Variants in ANAPC11 observed in about 807,000 individuals in gnomAD.
ANAPC11 encodes anaphase-promoting complex subunit 11.
ANAPC11 carries 5 observed loss-of-function variants against 11.8 expected under a neutral mutation model. The observed-to-expected ratio is 0.42, with a 90% confidence interval of 0.22 to 0.89. The LOEUF is 0.89. ANAPC11 is among the 40% of genes least tolerant of loss of function. ANAPC11 has a pLI of 0.28. For synonymous variants in ANAPC11, 45 were observed against 41.0 expected (o/e 1.10, Z -0.38); for missense variants, 68 against 112.9 (o/e 0.60, Z 1.80).
intron 3 of ANAPC11, chr17:81,894,821 GGTTCTCCT>G (rs2039681258): frequency 7.4e-6 from 3 of 407,906 alleles, no homozygotes; most frequent in Non-Finnish European, 1.3e-5. Flanking sequence ...GGGTTCAAAC[GGTTCTCCT>G]GCCTCAGCCT....
At chr17:81,894,660 G>T in intron 3 of ANAPC11, 74 bp downstream of exon 3, 1 of 925,160 alleles carries the variant, frequency 1.1e-6, no homozygotes. Context: ...CTGCCTGCTG[G>T]ACTAGCCTCA....
At chr17:81,890,894 C>T (rs1436457248), upstream of ANAPC11, 4 of 1,595,018 alleles carry the variant, frequency 2.5e-6, no homozygotes, top group African/African-American at 1.3e-5. Flanking sequence ...ACGGCTACTC[C>T]GGACCCTTCC....
At chr17:81,900,484 C>T, downstream of ANAPC11, 1 of 248,170 alleles carries the variant, frequency 4.0e-6, no homozygotes, top group Middle Eastern at 1.4e-3. Context: ...GACCCTCCCT[C>T]AGGCTGGCTC....
At chr17:81,893,901 TG>T (rs1290663274) in intron 2 of ANAPC11, among the ~76,000 whole-genome samples, 1 of 151,898 alleles carries the variant, frequency 6.6e-6, no homozygotes, top group African/African-American at 2.4e-5. Flanking sequence ...GGATTGCTGC[TG>T]GGGCTTGCTG....
intron 2 of ANAPC11, chr17:81,894,240 C>A: frequency 3.3e-6 from 1 of 305,418 alleles, no homozygotes; most frequent in Non-Finnish European, 5.9e-6. Flanking sequence ...GAGTGAGACT[C>A]TGTCTCAAAA....
Position 81,894,587 on chromosome 17 carries a change from G to A in ANAPC11, c.109+1G>A, listed in dbSNP as rs2039668377. ...GCATTTAACGGATGCTGCCCTGACT[G>A]TGAGTGTCCCCTCCATGCTGTCTGA... is the stretch of plus-strand genomic sequence containing the variant. On this transcript the variant is annotated splice_donor_variant, in intron 3 of 3. Transcript: ENST00000344877. LOFTEE classifies it high-confidence loss of function. 2 of 1,599,300 alleles carry A rather than the reference G, an allele frequency of 1.3e-6. No individual in the cohort carries two copies. The highest frequency in any genetic ancestry group is 1.7e-5 in the Admixed American group (1 of 59,318).
chr17:81,900,273 C>T, downstream of ANAPC11: 1 of 706,234 alleles, frequency 1.4e-6, no homozygotes, highest in Non-Finnish European at 2.3e-6. Context: ...CCTCTGGGTG[C>T]CTGTGTTCTC....
chr17:81,899,050 C>T lies in ANAPC11; in HGVS notation c.110-870C>T, dbSNP rs570704251. The T allele has an allele frequency of 1.3e-3, 834 of 631,616 alleles. 5 individuals carry two copies. The African/African-American group carries it at 0.014, about 11-fold the overall frequency. The allele number at this position is 631,616 out of a possible 1,614,324, so 39.1% of individuals were successfully genotyped here. A position where few individuals can be genotyped will look rare whatever the true frequency, so the allele number is the denominator to read the frequency against. On this transcript the variant is annotated intron_variant, in intron 3 of 3. Transcript: ENST00000344877. ...GGGAGTGGGCATGCCGTGGGGCCGG[C>T]GCTGCCAGGACAGGAGGGTGGCCAC...
chr17:81,894,712 TTTC>T (rs2039674043), intron 3 of ANAPC11, 126 bp downstream of exon 3: 3 of 476,130 alleles, frequency 6.3e-6, no homozygotes, highest in South Asian at 4.8e-5. Context: ...CCAGTTTCAT[TTTC>T]TTTTTTTTTT....
At position 81,898,861 on chromosome 17, in the gene ANAPC11, C is replaced by T. The variant is rs967363278; in HGVS notation, c.110-1059C>T. The stretch of plus-strand genomic sequence containing the variant: ...GCTTCGGGTGGGGAATGCACTAGAA[C>T]GAAGTGACACCTTTGACTAAACGAG... On this transcript the variant is annotated intron_variant, in intron 3 of 3. Coordinates refer to ENST00000344877, the MANE Select transcript of ANAPC11 (RefSeq NM_001002248.3). 26 of 257,842 alleles carry T rather than the reference C, an allele frequency of 1.0e-4. No individual in the cohort carries two copies. The East Asian group carries it at 1.9e-3, about 19-fold the overall frequency. 16.0% of individuals were successfully genotyped at this position (257,842 alleles called of 1,614,324 possible).
upstream of ANAPC11, chr17:81,890,950 T>TCCCTCCGGCGCTGCAGCTGCCCCAG (rs1490349518): frequency 2.9e-6 from 4 of 1,387,282 alleles, no homozygotes; most frequent in Non-Finnish European, 2.9e-6. Context: ...CCGCCAGCGC[T>TCCCTCCGGCGCTGCAGCTGCCCCAG]CCCTCCGGCG....
intron 3 of ANAPC11, chr17:81,898,800 C>T (rs1567871553): frequency 5.8e-6 from 1 of 173,260 alleles, no homozygotes; most frequent in Non-Finnish European, 1.2e-5. Flanking sequence ...GAGTCACCCT[C>T]AGTGCATCTG....
upstream of ANAPC11, chr17:81,890,870 C>A (rs754784844): frequency 6.2e-7 from 1 of 1,612,520 alleles, no homozygotes; most frequent in African/African-American, 1.3e-5. Context: ...CAGTCCAGGG[C>A]TTTCCTGACC....
rs558096419 is a variant in ANAPC11 at position 81,899,002 on chromosome 17, C to T, written c.110-918C>T. The T allele has an allele frequency of 1.6e-3, 958 of 586,180 alleles. 2 individuals carry two copies. Among genetic ancestry groups the T allele is most frequent in the Middle Eastern group, 3.6e-3 (8 of 2,212 alleles). 36.3% of individuals were successfully genotyped at this position (586,180 alleles called of 1,614,324 possible). On this transcript the variant is annotated intron_variant, in intron 3 of 3. Transcript: ENST00000344877. ...GAGTTGTGCTGAGGCCAGAAACCCCCACGGGCAGGTCCTCCCAGGGCTGGG... is the reference window on the plus strand; with the variant it reads ...GAGTTGTGCTGAGGCCAGAAACCCCTACGGGCAGGTCCTCCCAGGGCTGGG...
chr17:81,899,598 G>A, intron 3 of ANAPC11: 1 of 1,556,798 alleles, frequency 6.4e-7, no homozygotes, highest in African/African-American at 1.4e-5. Flanking sequence ...GGGTGGGCTA[G>A]GCCAGAGCGC....
At chr17:81,891,468 C>T (rs2039528294), upstream of ANAPC11, 2 of 1,120,990 alleles carry the variant, frequency 1.8e-6, no homozygotes, top group Non-Finnish European at 2.2e-6. Flanking sequence ...GGAGCCGGCC[C>T]GGCCGCGGCC....
intron 3 of ANAPC11, chr17:81,899,005 G>A (rs867161105): frequency 3.4e-6 from 2 of 586,408 alleles, no homozygotes; most frequent in Admixed American, 3.0e-5. Flanking sequence ...AAACCCCCAC[G>A]GGCAGGTCCT....
At chr17:81,899,707 C>T (rs902981723) in intron 3 of ANAPC11, 10 of 985,874 alleles carry the variant, frequency 1.0e-5, no homozygotes, top group African/African-American at 6.6e-5. Context: ...GCCGCATGTC[C>T]GGTGTCCCTT....
At chr17:81,890,958 G>A (rs1000477458), upstream of ANAPC11, 93 of 1,332,830 alleles carry the variant, frequency 7.0e-5, no homozygotes, top group Middle Eastern at 2.3e-4. Context: ...GCTCCCTCCG[G>A]CGCTGCAGCT....
Sources: allele counts gnomAD v4.1 joint callset (sites outside exome capture counted in the v4.1 genomes callset), GRCh38; gene constraint gnomAD v4.1.1; transcripts MANE v1.5; gene names NCBI Gene and HGNC (gene_info 2026-07-23, HGNC 2026-07-21).